DOK3: variants seen among roughly 807,000 people sequenced by gnomAD.
DOK3 encodes docking protein 3, also known as Dok-like protein.
DOK3 carries 23 observed loss-of-function variants against 26.2 expected under a neutral mutation model. That is an observed-to-expected ratio of 0.88 (90% CI 0.63 to 1.24). The LOEUF is 1.24. DOK3 is among the 50% of genes most tolerant of loss of function. The pLI is 0.00. For synonymous variants in DOK3, 268 were observed against 268.2 expected (o/e 1.00, Z 0.01); for missense variants, 619 against 610.6 (o/e 1.01, Z -0.15).
Position 177,504,515 on chromosome 5 carries a change from G to A in DOK3, c.791C>T (p.Pro264Leu), listed in dbSNP as rs1308513881. 6.3e-7 allele frequency: 1 copy of A among 1,590,800 alleles called. No individual in the cohort carries two copies. Among genetic ancestry groups the A allele is most frequent in the Non-Finnish European group, 8.5e-7 (1 of 1,171,914 alleles). The change falls in exon 6 of 6, where the codon CCC becomes CTC. Residue 264 changes from proline to leucine, a missense_variant. Transcript: ENST00000510898. ...QRERLPELTR[P>L]QPCPLPRATS... ...GGCCCGTGGCAGGGGGCAGGGCTGG[G>A]GCCTGGTCAGCTCTGGCAGCCGCTC...
Position 177,509,570 on chromosome 5 carries a change from C to T in DOK3, c.-30G>A. 1 of 1,609,564 alleles carries T rather than the reference C, an allele frequency of 6.2e-7. No individual in the cohort carries two copies. Among genetic ancestry groups the T allele is most frequent in the Non-Finnish European group, 8.5e-7 (1 of 1,177,656 alleles). The stretch of plus-strand genomic sequence containing the variant: ...ACGGCCAGGAGCAGGGCCGCCGCTT[C>T]AAGACCTGGGGAGACTGATGACAGG... On this transcript the variant is annotated 5_prime_UTR_variant, in exon 2 of 6. Transcript: ENST00000510898.
intron 3 of DOK3, among the ~76,000 whole-genome samples, chr5:177,507,049 T>C (rs956626424): frequency 1.3e-5 from 2 of 152,192 alleles, no homozygotes; most frequent in East Asian, 1.9e-4. Flanking sequence ...TCCAGAACTT[T>C]TCCATCATCC....
Position 177,509,735 on chromosome 5 carries a change from CTGCCCAAGG to C in DOK3, c.-118+14_-118+22del. 6.2e-7 allele frequency: 1 copy of C among 1,611,558 alleles called. No homozygotes were observed. Among genetic ancestry groups the C allele is most frequent in the Non-Finnish European group, 8.5e-7 (1 of 1,179,218 alleles). On this transcript the variant is annotated intron_variant, in intron 1 of 5. Transcript: ENST00000510898. ...ATGTATTTCCTCCCTGGGGTTCTGG[CTGCCCAAGG>C]TGCCCACACCTACCTGGAGGGAGCC...
rs1581793059 is a variant in DOK3, at chr5:177,508,689, G to A, written c.67-147C>T. ...TCAGGGAGCCAGGTAAGGAGGCCTT[G>A]GCTATGCTTGGGATTGGTCAGCCCT... On this transcript the variant is annotated intron_variant, in intron 2 of 5. Coordinates refer to ENST00000510898, the MANE Select transcript of DOK3 (RefSeq NM_001308236.3). 1.2e-5 allele frequency: 11 copies of A among 894,554 alleles called. No homozygotes were observed. The East Asian group carries it at 3.0e-4, about 24-fold the overall frequency. 55.4% of individuals were successfully genotyped at this position (894,554 alleles called of 1,614,324 possible). A position where few individuals can be genotyped will look rare whatever the true frequency, so the allele number is the denominator to read the frequency against.
chr5:177,508,651 G>C, intron 2 of DOK3, 109 bp from the exon 3 acceptor site: 2 of 1,263,550 alleles, frequency 1.6e-6, no homozygotes, highest in Non-Finnish European at 1.1e-6. Flanking sequence ...GCGGGCCTCT[G>C]CTCCCCAGTT....
intron 3 of DOK3, among the ~76,000 whole-genome samples, chr5:177,507,458 T>C (rs1034313116): frequency 3.3e-5 from 5 of 152,248 alleles, no homozygotes; most frequent in South Asian, 4.2e-4. Context: ...TTCATGTCCA[T>C]GTGGGTTTTT....
At position 177,503,341 on chromosome 5, in the gene DOK3, TTC is replaced by T. The variant is rs1273237332; in HGVS notation, c.*640_*641del. 3.2e-6 allele frequency: 5 copies of T among 1,551,188 alleles called. No homozygotes were observed. The highest frequency in any genetic ancestry group is 4.4e-6 in the Non-Finnish European group (5 of 1,146,644). ...AGGATTATGCCTGATACGTCATCGG[TTC>T]TCTCTCCTTTACAGATGAGGAGACT... On this transcript the variant is annotated 3_prime_UTR_variant, in exon 6 of 6. Transcript: ENST00000510898.
intron 3 of DOK3, among the ~76,000 whole-genome samples, chr5:177,507,864 C>T (rs1330692384): frequency 6.6e-6 from 1 of 152,222 alleles, no homozygotes; most frequent in Non-Finnish European, 1.5e-5. Context: ...CCAGCCACGT[C>T]GCCTTCTTTC....
In DOK3 at chr5:177,509,815, G is replaced by C. The variant is rs781567172; in HGVS notation, c.-175C>G. The C allele has an allele frequency of 1.9e-6, 3 of 1,611,544 alleles. No individual in the cohort carries two copies. The highest frequency in any genetic ancestry group is 2.5e-6 in the Non-Finnish European group (3 of 1,179,952). On this transcript the variant is annotated 5_prime_UTR_variant, in exon 1 of 6. Transcript: ENST00000510898. ...CTTCTCACGCACCTGGTTCAGCTGG[G>C]CACGCGCGTCTGATCGCAGTCTGGC...
chr5:177,508,423 C>G lies in DOK3; in HGVS notation c.186G>C (p.Gly62=), dbSNP rs764124229. Residue 62 remains glycine (G), a synonymous_variant, in exon 3 of 6, where the codon GGG becomes GGC. Coordinates refer to ENST00000510898, the MANE Select transcript of DOK3 (RefSeq NM_001308236.3). ...GLGAAGDRSA[G]PGRRGERRVI... is the part of the protein sequence containing the mutation. ...CCCGTCGCTCCCCTCGCCGGCCAGGCCCTGCCGACCTGTCACCCGCTGCTC... is the reference window on the plus strand; with the variant it reads ...CCCGTCGCTCCCCTCGCCGGCCAGGGCCTGCCGACCTGTCACCCGCTGCTC... The G allele has an allele frequency of 8.7e-5, 139 of 1,601,864 alleles. No homozygotes were observed. Among genetic ancestry groups the G allele is most frequent in the Non-Finnish European group, 1.2e-4 (137 of 1,177,222 alleles).
At position 177,504,291 on chromosome 5, in the gene DOK3, C is replaced by T. The variant is rs1488722836; in HGVS notation, c.1015G>A (p.Glu339Lys). ...CKRASGPPGN[E>K]HLYENLCVLE... is the part of the protein sequence containing the mutation. ...ACACACAGGTTCTCATAGAGGTGCT[C>T]ATTGCCTGGGGGCCCACTGGCACGC... The change falls in exon 6 of 6, where the codon GAG becomes AAG. Residue 339 changes from glutamate to lysine, a missense_variant. Physicochemically the swap from Glu to Lys is moderately conservative, Grantham distance 56. Coordinates refer to ENST00000510898, the MANE Select transcript of DOK3 (RefSeq NM_001308236.3). The T allele has an allele frequency of 1.2e-6, 2 of 1,607,168 alleles. No individual in the cohort carries two copies. The highest frequency in any genetic ancestry group is 1.7e-6 in the Non-Finnish European group (2 of 1,176,460).
At chr5:177,508,190 G>A (rs1308024327) in intron 3 of DOK3, 47 bp downstream of exon 3, 20 of 1,383,914 alleles carry the variant, frequency 1.4e-5, no homozygotes, top group African/African-American at 1.1e-4. Flanking sequence ...TGGACAAGTC[G>A]GGGGCAGGTG....
chr5:177,503,247 A>G lies in DOK3; in HGVS notation c.*736T>C, dbSNP rs1759541040. On this transcript the variant is annotated 3_prime_UTR_variant, in exon 6 of 6. Coordinates refer to ENST00000510898, the MANE Select transcript of DOK3 (RefSeq NM_001308236.3). ...TGTCGGCTCCCGGAGAACAGGACCA[A>G]GGCTGTCCTGAACACGGCTGTGTCC... 1.2e-5 allele frequency: 19 copies of G among 1,551,080 alleles called. No individual in the cohort carries two copies. Among genetic ancestry groups the G allele is most frequent in the Non-Finnish European group, 1.6e-5 (18 of 1,146,536 alleles).
chr5:177,510,371 T>G (rs180702424), upstream of DOK3: 723 of 158,904 alleles, frequency 4.5e-3, 6 homozygotes, highest in Middle Eastern at 0.01. Context: ...ACGCTGGGCA[T>G]CCAGTCCACA....
rs896236344 is a variant in DOK3 at position 177,503,746 on chromosome 5, C to T, written c.*237G>A. The T allele has an allele frequency of 7.3e-5, 104 of 1,415,626 alleles. No homozygotes were observed. The highest frequency in any genetic ancestry group is 3.5e-4 in the African/African-American group (24 of 69,310). The allele number at this position is 1,415,626 out of a possible 1,614,324, so 87.7% of individuals were successfully genotyped here. ...TGGCCGCAATGAACGTGGGCAGGGG[C>T]GTGTGCCGTGAGTGCCCCTGCCGGG... On this transcript the variant is annotated 3_prime_UTR_variant, in exon 6 of 6. Transcript: ENST00000510898.
chr5:177,504,938 C>T, intron 4 of DOK3, 23 bp from the exon 5 acceptor site: 1 of 1,578,218 alleles, frequency 6.3e-7, no homozygotes, highest in South Asian at 1.2e-5. Context: ...GCCAGGACAG[C>T]TCCGTCAGTC....
At chr5:177,509,695 G>A (rs757232239) in intron 1 of DOK3, 38 bp from the exon 2 acceptor site, 5 of 1,603,376 alleles carry the variant, frequency 3.1e-6, no homozygotes, top group Admixed American at 1.7e-5. Flanking sequence ...CTTCAGCTCA[G>A]GGGCTGGGGG....
chr5:177,503,028 C>T lies in DOK3; in HGVS notation c.*955G>A, dbSNP rs186534748. On this transcript the variant is annotated 3_prime_UTR_variant, in exon 6 of 6. Coordinates refer to ENST00000510898, the MANE Select transcript of DOK3 (RefSeq NM_001308236.3). The stretch of plus-strand genomic sequence containing the variant: ...CAGGAGAGAGCAAAAATTGTGTGTC[C>T]GTCATGAAAATGAGGTTCAGGATGT... The T allele has an allele frequency of 5.5e-5, 83 of 1,503,548 alleles. No individual in the cohort carries two copies. The Middle Eastern group carries it at 7.1e-4, about 13-fold the overall frequency. 93.1% of individuals were successfully genotyped at this position (1,503,548 alleles called of 1,614,324 possible).
rs1348982705 is a variant in DOK3 at position 177,503,094 on chromosome 5, G to A, written c.*889C>T. The A allele has an allele frequency of 1.3e-5, 20 of 1,550,302 alleles. No homozygotes were observed. In the East Asian group the frequency reaches 4.4e-4, roughly 34 times the overall value. ...AGCTGAGGTGGAGTTGCGGTGAGGG[G>A]CTGGGCAGTCAGAGCCCTGGAGGCA... On this transcript the variant is annotated 3_prime_UTR_variant, in exon 6 of 6. Transcript: ENST00000510898.
Sources: allele counts gnomAD v4.1 joint callset (sites outside exome capture counted in the v4.1 genomes callset), GRCh38; gene constraint gnomAD v4.1.1; transcripts MANE v1.5; gene names NCBI Gene and HGNC (gene_info 2026-07-23, HGNC 2026-07-21).